The following FGF12 variants were observed in gnomAD, a reference collection of about 807,000 sequenced individuals.
FGF12 encodes fibroblast growth factor 12.
In FGF12, 14 loss-of-function variants were observed where a neutral mutation model predicts 23.6. The observed-to-expected ratio is 0.59, with a 90% CI of 0.39 to 0.93. FGF12 has a LOEUF of 0.93. Ranked by LOEUF, FGF12 falls within the 40% of genes least tolerant of loss-of-function variation. The pLI, the probability that FGF12 is intolerant of heterozygous loss-of-function variation, is 0.00. For missense variants in FGF12, 175 were observed against 217.8 expected, an observed-to-expected ratio of 0.80 and a Z score of 1.24; for synonymous variants, 62 against 77.3, an observed-to-expected ratio of 0.80 and a Z score of 1.04.
intron 4 of FGF12, among the ~76,000 whole-genome samples, chr3:192,211,215 C>T (rs1022420931): frequency 2.0e-5 from 3 of 152,074 alleles, no homozygotes; most frequent in African/African-American, 7.2e-5. Context: ...AGAGCCATGA[C>T]AATGTTCAAA....
intron 4 of FGF12, among the ~76,000 whole-genome samples, chr3:192,331,196 A>G (rs1248008342): frequency 6.6e-6 from 1 of 152,076 alleles, no homozygotes; most frequent in East Asian, 1.9e-4. Context: ...CCACTATCAA[A>G]AGAAACAAAA....
chr3:192,275,369 CTTT>C (rs77131421), intron 4 of FGF12, among the ~76,000 whole-genome samples: 51,420 of 151,780 alleles, frequency 0.34, 9,788 homozygotes, highest in East Asian at 0.89. Flanking sequence ...GACCAATTTG[CTTT>C]TTGTTTTCTA....
chr3:192,404,312 T>C (rs749838762), intron 2 of FGF12, among the ~76,000 whole-genome samples: 2 of 152,216 alleles, frequency 1.3e-5, no homozygotes, highest in African/African-American at 2.4e-5. Flanking sequence ...AAGAGTAATA[T>C]TGATGACCTC....
intron 2 of FGF12, among the ~76,000 whole-genome samples, chr3:192,663,234 C>T (rs1716736685): frequency 6.6e-6 from 1 of 152,092 alleles, no homozygotes; most frequent in Admixed American, 6.5e-5. Flanking sequence ...GAAAAGAGTA[C>T]CAGATTTAGA....
intron 5 of FGF12, among the ~76,000 whole-genome samples, chr3:192,147,126 A>T (rs1177516138): frequency 6.6e-6 from 1 of 152,258 alleles, no homozygotes; most frequent in Non-Finnish European, 1.5e-5. Flanking sequence ...GTTCAGAGAA[A>T]GCAAACTAAA....
At chr3:192,178,339 A>T (rs1715972965) in intron 4 of FGF12, among the ~76,000 whole-genome samples, 1 of 152,194 alleles carries the variant, frequency 6.6e-6, no homozygotes. Flanking sequence ...TAAGCAAACA[A>T]AGAAAAATTA....
chr3:192,660,060 C>T (rs9828090), intron 2 of FGF12, among the ~76,000 whole-genome samples: 84,593 of 150,890 alleles, frequency 0.56, 24,075 homozygotes, highest in East Asian at 0.67. Context: ...CACACACACA[C>T]GTATGTTTAT....
At chr3:192,329,337 TATAAC>T (rs1353779810) in intron 4 of FGF12, among the ~76,000 whole-genome samples, 1 of 152,162 alleles carries the variant, frequency 6.6e-6, no homozygotes, top group Non-Finnish European at 1.5e-5. Flanking sequence ...AAAAGGCAAA[TATAAC>T]AGTATCAGTG....
chr3:192,357,723 T>C (rs1022418042), intron 3 of FGF12, among the ~76,000 whole-genome samples: 1 of 152,174 alleles, frequency 6.6e-6, no homozygotes, highest in African/African-American at 2.4e-5. Context: ...TCAAAATCTT[T>C]TCACTCATGG....
intron 2 of FGF12, among the ~76,000 whole-genome samples, chr3:192,658,409 T>A (rs1318828833): frequency 2.0e-5 from 3 of 152,186 alleles, no homozygotes; most frequent in Admixed American, 2.0e-4. Flanking sequence ...CTTGGGTACC[T>A]AAATGCTGCT....
At chr3:192,695,777 G>A (rs1049983928) in intron 2 of FGF12, among the ~76,000 whole-genome samples, 2 of 152,144 alleles carry the variant, frequency 1.3e-5, no homozygotes, top group African/African-American at 4.8e-5. Context: ...AGTTGGCGAG[G>A]ATGAGGCACT....
chr3:192,514,567 A>C lies in FGF12; in HGVS notation c.14-154029T>G. ...GAAACGCCTTCCCTCCGCCACAGGC[A>C]GCGCTGAATGAAGCAGAGGAGGGCG... On this transcript the variant is annotated intron_variant, in intron 2 of 5. Transcript: ENST00000445105. The surrounding 1 kb of genome is among the most constrained non-coding windows in gnomAD (Gnocchi z 4.9). The C allele has an allele frequency of 6.5e-5, 26 of 398,312 alleles. No individual in the cohort carries two copies. The highest frequency in any genetic ancestry group is 7.8e-5 in the Non-Finnish European group (23 of 293,198). The allele number at this position is 398,312 out of a possible 1,614,324, so 24.7% of individuals were successfully genotyped here.
At chr3:192,636,523 G>T (rs1192212634) in intron 2 of FGF12, among the ~76,000 whole-genome samples, 1 of 152,176 alleles carries the variant, frequency 6.6e-6, no homozygotes. Context: ...TCTCTTCCAA[G>T]GTGTCATGCT....
chr3:192,545,953 TC>T (rs2108581037), intron 2 of FGF12, among the ~76,000 whole-genome samples: 1 of 152,336 alleles, frequency 6.6e-6, no homozygotes, highest in South Asian at 2.1e-4. Flanking sequence ...CATAAGGATC[TC>T]TATGCTCTGA....
intron 2 of FGF12, among the ~76,000 whole-genome samples, chr3:192,551,844 A>G (rs1040070787): frequency 2.0e-5 from 3 of 152,196 alleles, no homozygotes; most frequent in Non-Finnish European, 4.4e-5. Context: ...GCAAAGATGT[A>G]GGAAAAATGT....
intron 4 of FGF12, among the ~76,000 whole-genome samples, chr3:192,264,169 A>G (rs554740010): frequency 1.3e-5 from 2 of 152,192 alleles, no homozygotes; most frequent in East Asian, 3.9e-4. Flanking sequence ...ATTTGTTTTC[A>G]TATATCACCA....
chr3:192,473,814 C>G (rs114962247), intron 2 of FGF12, among the ~76,000 whole-genome samples: 4 of 152,162 alleles, frequency 2.6e-5, no homozygotes, highest in South Asian at 2.1e-4. Context: ...TAAACAGAAG[C>G]CTTTAGTGTA....
At chr3:192,422,323 G>A (rs1721559580) in intron 2 of FGF12, among the ~76,000 whole-genome samples, 1 of 152,036 alleles carries the variant, frequency 6.6e-6, no homozygotes, top group Non-Finnish European at 1.5e-5. Context: ...CCAGATGATT[G>A]CTAAGGTCTC....
Position 192,408,897 on chromosome 3 carries a change from C to T in FGF12, c.14-48359G>A, listed in dbSNP as rs374380398. On this transcript the variant is annotated intron_variant, in intron 2 of 5. Coordinates refer to ENST00000445105, the MANE Select transcript of FGF12 (RefSeq NM_004113.6). The surrounding 1 kb of genome is among the most constrained non-coding windows in gnomAD (Gnocchi z 7.3). ...GCAGGGTGAGGTCTACAGAATGCAT[C>T]GCGCCGGCTGCGGCTTTCCAGGGGC... is the stretch of plus-strand genomic sequence containing the variant. 4 of 985,246 alleles carry T rather than the reference C, an allele frequency of 4.1e-6. No individual in the cohort carries two copies. The highest frequency in any genetic ancestry group is 1.7e-5 in the African/African-American group (1 of 57,202). 61.0% of individuals were successfully genotyped at this position (985,246 alleles called of 1,614,324 possible). A position where few individuals can be genotyped will look rare whatever the true frequency, so the allele number is the denominator to read the frequency against.
Sources: gnomAD v4.1 joint callset for allele counts (sites outside exome capture counted in the v4.1 genomes callset) on GRCh38, gnomAD v4.1.1 for gene constraint, Gnocchi (gnomAD v3.1) non-coding constraint, MANE v1.5 for transcripts, NCBI Gene and HGNC (gene_info 2026-07-23, HGNC 2026-07-21) for gene names.